STX7: variants seen among roughly 807,000 people sequenced by gnomAD.
The protein encoded by STX7 is syntaxin-7.
Under a neutral mutation model 39.6 loss-of-function variants are expected in STX7, and 34 were observed. The ratio of observed to expected loss-of-function variants is 0.86; its 90% CI spans 0.65 to 1.14. The LOEUF (loss-of-function observed/expected upper bound fraction) is 1.14, where lower values mean the gene tolerates loss of function less well. STX7 is among the 50% of genes most tolerant of loss of function. STX7 has a pLI of 0.00. For missense variants in STX7, 284 were observed against 310.4 expected, an observed-to-expected ratio of 0.92 and a Z score of 0.64; for synonymous variants, 119 against 99.1, an observed-to-expected ratio of 1.20 and a Z score of -1.19.
intron 2 of STX7, among the ~76,000 whole-genome samples, chr6:132,484,590 C>G (rs1239234056): frequency 6.6e-6 from 1 of 152,196 alleles, no homozygotes; most frequent in Non-Finnish European, 1.5e-5. Flanking sequence ...TAGCTATCTT[C>G]TCTTTTAGCA....
At chr6:132,500,412 T>C (rs2114466329) in intron 2 of STX7, among the ~76,000 whole-genome samples, 2 of 152,252 alleles carry the variant, frequency 1.3e-5, no homozygotes, top group Admixed American at 1.3e-4. Flanking sequence ...CAAGCCCAGG[T>C]CTGCTTTTGA....
rs1774492130 is a variant in STX7 at position 132,464,010 on chromosome 6, T to C, written c.676A>G (p.Arg226Gly). 1 of 1,614,142 alleles carries C rather than the reference T, an allele frequency of 6.2e-7. No individual in the cohort carries two copies. The highest frequency in any genetic ancestry group is 1.7e-5 in the Admixed American group (1 of 60,024). ...HVQQANQQLS[R>G]AADYQRKSRK... Reference sequence around the variant, plus strand: ...TAAATTACCTGATAATCTGCTGCCCTTGACAGCTGCTGATTTGCTTGCTGA... The same window carrying C: ...TAAATTACCTGATAATCTGCTGCCCCTGACAGCTGCTGATTTGCTTGCTGA... Residue 226 changes from arginine (R) to glycine (G), a missense_variant, in exon 9 of 10, where the codon AGG becomes GGG. Arg to Gly is a moderately radical substitution (Grantham distance 125, BLOSUM62 -2). Coordinates refer to ENST00000367941, the MANE Select transcript of STX7 (RefSeq NM_003569.3).
rs190742461 is a variant in STX7, at chr6:132,448,223, T to G, written c.*12535A>C. 2.0e-5 allele frequency: 3 copies of G among 152,304 alleles called. No homozygotes were observed. Among genetic ancestry groups the G allele is most frequent in the Admixed American group, 2.0e-4 (3 of 15,284 alleles). 9.4% of individuals were successfully genotyped at this position (152,304 alleles called of 1,614,324 possible). On this transcript the variant is annotated 3_prime_UTR_variant, in exon 10 of 10. Coordinates refer to ENST00000367941, the MANE Select transcript of STX7 (RefSeq NM_003569.3). ...TGTTGCTAGTATTTTAATTACGCTC[T>G]TTTTTACTCCACAGAGTAAATACTT...
At chr6:132,502,799 TGAGGCAG>T (rs1363282421) in intron 2 of STX7, among the ~76,000 whole-genome samples, 1 of 151,998 alleles carries the variant, frequency 6.6e-6, no homozygotes, top group African/African-American at 2.4e-5. Context: ...CTGGGGAGGC[TGAGGCAG>T]GAGAATGGTG....
chr6:132,461,691 G>T, intron 9 of STX7: 1 of 753,574 alleles, frequency 1.3e-6, no homozygotes. Context: ...AATATTAATG[G>T]GAAACTACAT....
chr6:132,484,538 A>C (rs1377366167), intron 2 of STX7, among the ~76,000 whole-genome samples: 2 of 152,190 alleles, frequency 1.3e-5, no homozygotes, highest in African/African-American at 4.8e-5. Flanking sequence ...CCTAACACAC[A>C]CACAGAGTAC....
Position 132,471,329 on chromosome 6 carries a change from A to G in STX7, c.387+134T>C, listed in dbSNP as rs982416642. 3 of 1,060,924 alleles carry G rather than the reference A, an allele frequency of 2.8e-6. No individual in the cohort carries two copies. The African/African-American group carries it at 4.8e-5, about 17-fold the overall frequency. The allele number at this position is 1,060,924 out of a possible 1,614,324, so 65.7% of individuals were successfully genotyped here. A position where few individuals can be genotyped will look rare whatever the true frequency, so the allele number is the denominator to read the frequency against. Reference sequence around the variant, plus strand: ...TAAAAATGGAGCAGGAAAGCATAAAAATAAATATTCAAGAGCTGATTTCCA... The same window carrying G: ...TAAAAATGGAGCAGGAAAGCATAAAGATAAATATTCAAGAGCTGATTTCCA... On this transcript the variant is annotated intron_variant, in intron 5 of 9. Transcript: ENST00000367941.
Position 132,487,986 on chromosome 6 carries a change from G to A in STX7, c.86-12324C>T, listed in dbSNP as rs187171719. 1.4e-3 allele frequency among the ~76,000 whole-genome samples: 217 copies of A among 152,188 alleles called. 1 individual carries two copies. In the Middle Eastern group the frequency reaches 0.017, roughly 12 times the overall value. ...TAAATTTCTTAGGGTGAAAACTGACGTCATGATTTGAGACCTGTCTTCTTT... is the reference window on the plus strand; with the variant it reads ...TAAATTTCTTAGGGTGAAAACTGACATCATGATTTGAGACCTGTCTTCTTT... On this transcript the variant is annotated intron_variant, in intron 2 of 9. Coordinates refer to ENST00000367941, the MANE Select transcript of STX7 (RefSeq NM_003569.3).
chr6:132,480,006 C>T (rs1191072404), intron 2 of STX7, among the ~76,000 whole-genome samples: 2 of 152,188 alleles, frequency 1.3e-5, no homozygotes, highest in Non-Finnish European at 2.9e-5. Context: ...TTTATATTCA[C>T]TTCAATGGTA....
At chr6:132,506,862 C>T (rs1416650150) in intron 1 of STX7, among the ~76,000 whole-genome samples, 1 of 151,976 alleles carries the variant, frequency 6.6e-6, no homozygotes, top group Non-Finnish European at 1.5e-5. Context: ...TAGCAATATT[C>T]ACAAGAACAA....
chr6:132,512,716 G>A (rs1775881005), intron 1 of STX7, among the ~76,000 whole-genome samples: 1 of 152,142 alleles, frequency 6.6e-6, no homozygotes, highest in Admixed American at 6.5e-5. Flanking sequence ...CCGGAGCTCT[G>A]CCCAGGGGAC....
rs201355710 is a variant in STX7 at position 132,475,636 on chromosome 6, G to T, written c.112C>A (p.Gln38Lys). 6.2e-7 allele frequency: 1 copy of T among 1,609,014 alleles called. No homozygotes were observed. Among genetic ancestry groups the T allele is most frequent in the South Asian group, 1.1e-5 (1 of 90,128 alleles). ...CSVEIQRTLN[Q>K]LGTPQDSPEL... The stretch of plus-strand genomic sequence containing the variant: ...GGTGAATCTTGAGGTGTTCCAAGTT[G>T]ATTCAGAGTTCTTTGTATTTCCACA... The change falls in exon 3 of 10, where the codon CAA (glutamine) becomes AAA (lysine). Residue 38 changes from glutamine (Q) to lysine (K), a missense_variant. Coordinates refer to ENST00000367941, the MANE Select transcript of STX7 (RefSeq NM_003569.3).
chr6:132,471,343 A>C (rs919350844), intron 5 of STX7, 120 bp downstream of exon 5: 2 of 1,132,140 alleles, frequency 1.8e-6, no homozygotes, highest in Non-Finnish European at 2.4e-6. Context: ...AATATTCAAG[A>C]GCTGATTTCC....
At chr6:132,477,774 T>C (rs1774909962) in intron 2 of STX7, among the ~76,000 whole-genome samples, 3 of 152,134 alleles carry the variant, frequency 2.0e-5, no homozygotes, top group Admixed American at 1.3e-4. Flanking sequence ...TGTGTGTTCA[T>C]ATACACACAG....
chr6:132,488,555 T>C (rs1775198119), intron 2 of STX7, among the ~76,000 whole-genome samples: 1 of 152,036 alleles, frequency 6.6e-6, no homozygotes. Flanking sequence ...AACTGTCTTA[T>C]GAGGGAGTTC....
intron 2 of STX7, 103 bp from the exon 3 acceptor site, chr6:132,475,765 A>G: frequency 1.7e-6 from 1 of 589,970 alleles, no homozygotes; most frequent in Non-Finnish European, 2.8e-6. Flanking sequence ...GAAAAGAGAC[A>G]GAAAAACAAA....
rs1756653086 is a variant in STX7 at position 132,451,792 on chromosome 6, T to G, written c.*8966A>C. Reference sequence around the variant, plus strand: ...AAGTGGAAATTACAATAAAAAGAACTCCCTCCCCCAAAATCTCCAGGCCCA... The same window carrying G: ...AAGTGGAAATTACAATAAAAAGAACGCCCTCCCCCAAAATCTCCAGGCCCA... On this transcript the variant is annotated 3_prime_UTR_variant, in exon 10 of 10. Coordinates refer to ENST00000367941, the MANE Select transcript of STX7 (RefSeq NM_003569.3). 1 of 151,932 alleles carries G rather than the reference T, an allele frequency of 6.6e-6. No individual in the cohort carries two copies. Among genetic ancestry groups the G allele is most frequent in the Non-Finnish European group, 1.5e-5 (1 of 67,996 alleles). 9.4% of individuals were successfully genotyped at this position (151,932 alleles called of 1,614,324 possible). A position where few individuals can be genotyped will look rare whatever the true frequency, so the allele number is the denominator to read the frequency against.
rs76527353 is a variant in STX7, at chr6:132,500,132, A to G, written c.85+3314T>C. On this transcript the variant is annotated intron_variant, in intron 2 of 9. Transcript: ENST00000367941. Reference sequence around the variant, plus strand: ...TCCCCAGACCTCTGTGATGACCAGCATACCTCCCTGCTATTCCCTCAATGT... The same window carrying G: ...TCCCCAGACCTCTGTGATGACCAGCGTACCTCCCTGCTATTCCCTCAATGT... Among the ~76,000 whole-genome samples the G allele has an allele frequency of 5.2e-3, 794 of 152,298 alleles. 12 individuals carry two copies. Among genetic ancestry groups the G allele is most frequent in the African/African-American group, 0.018 (751 of 41,568 alleles).
intron 9 of STX7, 127 bp downstream of exon 9, chr6:132,463,866 A>G: frequency 1.2e-6 from 1 of 853,028 alleles, no homozygotes; most frequent in Non-Finnish European, 1.9e-6. Context: ...CTTCTCTTCC[A>G]TGGGATTTTA....
Sources: gnomAD v4.1 joint callset for allele counts (sites outside exome capture counted in the v4.1 genomes callset) on GRCh38, gnomAD v4.1.1 for gene constraint, MANE v1.5 for transcripts, NCBI Gene and HGNC (gene_info 2026-07-23, HGNC 2026-07-21) for gene names.